Variants in SYNE3 observed in about 807,000 individuals in gnomAD.
SYNE3 encodes nesprin-3.
Under a neutral mutation model 111.2 loss-of-function variants are expected in SYNE3, and 100 were observed. That is an observed-to-expected ratio of 0.90 (90% CI 0.77 to 1.06). The LOEUF is 1.06. SYNE3 is among the 50% of genes least tolerant of loss of function. SYNE3 has a pLI of 0.00. For missense variants in SYNE3, 1,160 were observed against 1,240.3 expected (o/e 0.94, Z 0.97); for synonymous variants, 547 against 533.9 (o/e 1.02, Z -0.34).
rs1325404351 is a variant in SYNE3 at position 95,412,866 on chromosome 14, G to C, written c.*4960C>G. 1.3e-5 allele frequency: 2 copies of C among 152,108 alleles called. No homozygotes were observed. Among genetic ancestry groups the C allele is most frequent in the Non-Finnish European group, 2.9e-5 (2 of 68,026 alleles). The allele number at this position is 152,108 out of a possible 1,614,324, so 9.4% of individuals were successfully genotyped here. A position where few individuals can be genotyped will look rare whatever the true frequency, so the allele number is the denominator to read the frequency against. Reference sequence around the variant, plus strand: ...CAACTTTTTATTTTGTCCAATGAGGGCTCCCAAAACACAATAGAAACCATC... The same window carrying C: ...CAACTTTTTATTTTGTCCAATGAGGCCTCCCAAAACACAATAGAAACCATC... On this transcript the variant is annotated 3_prime_UTR_variant, in exon 18 of 18. Transcript: ENST00000682763.
At chr14:95,479,383 A>T (rs10144951) in intron 1 of SYNE3, among the ~76,000 whole-genome samples, 17,549 of 152,056 alleles carry the variant, frequency 0.12, 2,432 homozygotes, top group African/African-American at 0.33. Flanking sequence ...ATAAAAATTT[A>T]AAAAAATTGC....
At chr14:95,420,826 C>CTT (rs1566953762) in intron 17 of SYNE3, among the ~76,000 whole-genome samples, 1 of 151,184 alleles carries the variant, frequency 6.6e-6, no homozygotes, top group Non-Finnish European at 1.5e-5. Flanking sequence ...GGGGCTTCCT[C>CTT]AGGAAGTTAT....
rs1903457801 is a variant in SYNE3, at chr14:95,412,403, C to G, written c.*5423G>C. 6.6e-6 allele frequency: 1 copy of G among 152,334 alleles called. No homozygotes were observed. The highest frequency in any genetic ancestry group is 2.1e-4 in the South Asian group (1 of 4,838). The allele number at this position is 152,334 out of a possible 1,614,324, so 9.4% of individuals were successfully genotyped here. A position where few individuals can be genotyped will look rare whatever the true frequency, so the allele number is the denominator to read the frequency against. ...ACCCTTTTCTTCGTCTGCAAGCTCC[C>G]TGAGGGCAGGGACTGGGCTTTGTTC... On this transcript the variant is annotated 3_prime_UTR_variant, in exon 18 of 18. Transcript: ENST00000682763.
At chr14:95,469,040 C>T (rs868009686) in intron 2 of SYNE3, among the ~76,000 whole-genome samples, 1 of 152,154 alleles carries the variant, frequency 6.6e-6, no homozygotes, top group Non-Finnish European at 1.5e-5. Flanking sequence ...GCCATGAGCA[C>T]GCTGCCCAGC....
chr14:95,454,409 G>A lies in SYNE3; in HGVS notation c.1137+968C>T, dbSNP rs145671750. Among the ~76,000 whole-genome samples, 888 of 152,354 alleles carry A rather than the reference G, an allele frequency of 5.8e-3. 1 individual carries two copies. Among genetic ancestry groups the A allele is most frequent in the Non-Finnish European group, 0.01 (686 of 68,032 alleles). ...CATTTCACACATAACAGAGGTTAAA[G>A]TAATTTTCCGAAAGCCACTCAGTTA... On this transcript the variant is annotated intron_variant, in intron 6 of 17. Coordinates refer to ENST00000682763, the MANE Select transcript of SYNE3 (RefSeq NM_152592.6).
chr14:95,488,603 G>A (rs566081107), intron 1 of SYNE3, among the ~76,000 whole-genome samples: 1 of 149,086 alleles, frequency 6.7e-6, no homozygotes, highest in Admixed American at 6.7e-5. Context: ...CAAGGTGAGA[G>A]GATCACTTGA....
Position 95,407,691 on chromosome 14 carries a change from C to T in SYNE3, c.*10135G>A, listed in dbSNP as rs1271676797. ...ATTTAAAACAATGGAATGTGTTTGTCTTTGACATCAAAAATCATTTATGCA... is the reference window on the plus strand; with the variant it reads ...ATTTAAAACAATGGAATGTGTTTGTTTTTGACATCAAAAATCATTTATGCA... On this transcript the variant is annotated 3_prime_UTR_variant, in exon 18 of 18. Coordinates refer to ENST00000682763, the MANE Select transcript of SYNE3 (RefSeq NM_152592.6). The T allele has an allele frequency of 1.3e-5, 2 of 152,074 alleles. No homozygotes were observed. 9.4% of individuals were successfully genotyped at this position (152,074 alleles called of 1,614,324 possible). A position where few individuals can be genotyped will look rare whatever the true frequency, so the allele number is the denominator to read the frequency against.
At chr14:95,477,542 C>T (rs1888962397) in intron 1 of SYNE3, among the ~76,000 whole-genome samples, 1 of 152,308 alleles carries the variant, frequency 6.6e-6, no homozygotes, top group African/African-American at 2.4e-5. Flanking sequence ...AAGCTGGGCA[C>T]CATCCCCAGG....
intron 4 of SYNE3, among the ~76,000 whole-genome samples, chr14:95,459,651 A>G (rs115101282): frequency 0.016 from 2,370 of 152,316 alleles, 59 homozygotes; most frequent in African/African-American, 0.053. Flanking sequence ...TCTTTCACAT[A>G]TGCTTTTTTC....
rs1334737633 is a variant in SYNE3 at position 95,485,097 on chromosome 14, G to C, written c.-14-9262C>G. 6.6e-6 allele frequency among the ~76,000 whole-genome samples: 1 copy of C among 152,172 alleles called. No homozygotes were observed. The highest frequency in any genetic ancestry group is 1.5e-5 in the Non-Finnish European group (1 of 68,036). ...GGATGTCTCAGCCTCCCGTAGATGAGAACAGATGATTCTAACCATGGGCGT... is the reference window on the plus strand; with the variant it reads ...GGATGTCTCAGCCTCCCGTAGATGACAACAGATGATTCTAACCATGGGCGT... On this transcript the variant is annotated intron_variant, in intron 1 of 17. Transcript: ENST00000682763. The surrounding 1 kb of genome is among the most constrained non-coding windows in gnomAD (Gnocchi z 4.3).
chr14:95,488,697 GGAGGAGAGGAGAGGA>G lies in SYNE3; in HGVS notation c.-14-12877_-14-12863del, dbSNP rs773406803. ...GGTGGGGTGGGGAGGGAAGGGGAAG[GGAGGAGAGGAGAGGA>G]GAGGAGAGGAGAGGAGAGGAGAGGA... is the stretch of plus-strand genomic sequence containing the variant. On this transcript the variant is annotated intron_variant, in intron 1 of 17. Transcript: ENST00000682763. Among the ~76,000 whole-genome samples, 21 of 38,260 alleles carry G rather than the reference GGAGGAGAGGAGAGGA, an allele frequency of 5.5e-4. No individual in the cohort carries two copies. The East Asian group carries it at 8.5e-3, about 15-fold the overall frequency. The allele number at this position is 38,260 out of a possible 152,430, so 25.1% of individuals were successfully genotyped here.
intron 1 of SYNE3, among the ~76,000 whole-genome samples, chr14:95,490,317 C>T (rs528577305): frequency 3.3e-5 from 5 of 152,222 alleles, no homozygotes; most frequent in African/African-American, 9.7e-5. Flanking sequence ...GCACAGCAGT[C>T]TGGAGTAAAT....
At chr14:95,449,820 C>T in intron 8 of SYNE3, 111 bp downstream of exon 8, 1 of 1,461,968 alleles carries the variant, frequency 6.8e-7, no homozygotes. Context: ...TGAGCTCTCC[C>T]CAGATATCCG....
At chr14:95,509,163 C>T (rs922228774) in intron 1 of SYNE3, among the ~76,000 whole-genome samples, 2 of 152,158 alleles carry the variant, frequency 1.3e-5, no homozygotes, top group Non-Finnish European at 2.9e-5. Flanking sequence ...AAACAGAGAT[C>T]ACCAACCCTG....
At chr14:95,478,682 G>C (rs551777673) in intron 1 of SYNE3, among the ~76,000 whole-genome samples, 3 of 152,258 alleles carry the variant, frequency 2.0e-5, no homozygotes, top group African/African-American at 7.2e-5. Flanking sequence ...TCCTGTAAAG[G>C]GTCAGGTAGA....
At chr14:95,423,747 T>C (rs1390283788) in intron 17 of SYNE3, among the ~76,000 whole-genome samples, 1 of 120,126 alleles carries the variant, frequency 8.3e-6, no homozygotes, top group African/African-American at 3.2e-5. Context: ...GGGATGGGGA[T>C]TTGATGGGGA....
chr14:95,467,947 G>C lies in SYNE3; in HGVS notation c.165C>G (p.Pro55=). 1 of 1,611,740 alleles carries C rather than the reference G, an allele frequency of 6.2e-7. No individual in the cohort carries two copies. Among genetic ancestry groups the C allele is most frequent in the Non-Finnish European group, 8.5e-7 (1 of 1,178,538 alleles). The part of the protein sequence containing the change: ...WETEKICQLE[P]EGRVRVDLVL... The stretch of plus-strand genomic sequence containing the variant: ...CGAGGTCCACCCTCACACGCCCCTC[G>C]GGCTCCAGCTGGCATATTTTCTGTT... Residue 55 remains proline (P), a synonymous_variant, in exon 3 of 18, where the codon CCC becomes CCG. Coordinates refer to ENST00000682763, the MANE Select transcript of SYNE3 (RefSeq NM_152592.6).
chr14:95,444,997 C>T (rs920358175), intron 9 of SYNE3, among the ~76,000 whole-genome samples: 1 of 152,232 alleles, frequency 6.6e-6, no homozygotes, highest in African/African-American at 2.4e-5. Context: ...CGACTGCCTG[C>T]CCTGCAGACT....
At chr14:95,483,209 G>A (rs1346373554) in intron 1 of SYNE3, among the ~76,000 whole-genome samples, 6 of 152,194 alleles carry the variant, frequency 3.9e-5, no homozygotes, top group Non-Finnish European at 7.3e-5. Flanking sequence ...CTCAGAAGGC[G>A]TTGGGATTCA....
Sources: allele counts gnomAD v4.1 joint callset (sites outside exome capture counted in the v4.1 genomes callset), GRCh38; gene constraint gnomAD v4.1.1; non-coding constraint Gnocchi (gnomAD v3.1); transcripts MANE v1.5; gene names NCBI Gene and HGNC (gene_info 2026-07-23, HGNC 2026-07-21).